The following PCDH15 variants were observed in gnomAD, a reference collection of about 807,000 sequenced individuals.
The protein encoded by PCDH15 is protocadherin-15.
In PCDH15, 129 loss-of-function variants were observed where a neutral mutation model predicts 178.5. The observed-to-expected ratio is 0.72, with a 90% confidence interval of 0.63 to 0.84. PCDH15 has a LOEUF of 0.84. Among genes scored for constraint, PCDH15 ranks in the 40% least tolerant of loss-of-function variants. PCDH15 has a pLI of 0.00. For synonymous variants in PCDH15, 800 were observed against 732.0 expected, an observed-to-expected ratio of 1.09 and a Z score of -1.50; for missense variants, 2,230 against 2,099.9, an observed-to-expected ratio of 1.06 and a Z score of -1.21.
At chr10:54,071,637 T>C (rs1307469709) in intron 17 of PCDH15, among the ~76,000 whole-genome samples, 10 of 152,144 alleles carry the variant, frequency 6.6e-5, no homozygotes, top group African/African-American at 2.2e-4. Flanking sequence ...TGACATTCAA[T>C]ACATGGTTTA....
At chr10:55,381,063 A>C (rs1837522670) in intron 2 of PCDH15, among the ~76,000 whole-genome samples, 1 of 152,192 alleles carries the variant, frequency 6.6e-6, no homozygotes. Flanking sequence ...GAGGCTGAGC[A>C]ATGAGAGGAG....
Position 53,866,802 on chromosome 10 carries a change from G to A in PCDH15, c.3557C>T (p.Pro1186Leu). The change falls in exon 27 of 38, where the codon CCA becomes CTA. Residue 1186 changes from proline to leucine, a missense_variant. Transcript: ENST00000644397. ...YSVMAYRLII[P>L]PIKEGKEGFV... is the part of the protein sequence containing the mutation. ...TCCTTCTTTTCCCTCTTTAATTGGT[G>A]GTATTATGAGTCTGTAGGCCATGAC... 3.1e-6 allele frequency: 5 copies of A among 1,613,080 alleles called. No homozygotes were observed. The highest frequency in any genetic ancestry group is 4.2e-6 in the Non-Finnish European group (5 of 1,179,384).
intron 15 of PCDH15, among the ~76,000 whole-genome samples, chr10:54,121,608 A>G (rs531975442): frequency 1.3e-5 from 2 of 152,294 alleles, no homozygotes; most frequent in African/African-American, 4.8e-5. Flanking sequence ...AGAAATGACA[A>G]AAGTGGTGTA....
chr10:55,321,702 T>C (rs966870875), upstream of PCDH15, among the ~76,000 whole-genome samples: 2 of 152,182 alleles, frequency 1.3e-5, no homozygotes, highest in African/African-American at 2.4e-5. Flanking sequence ...GGCCTATGTT[T>C]AGCATTCTTA....
At chr10:55,587,040 T>G (rs1178975424) in intron 2 of PCDH15, among the ~76,000 whole-genome samples, 1 of 152,154 alleles carries the variant, frequency 6.6e-6, no homozygotes, top group Non-Finnish European at 1.5e-5. Flanking sequence ...TGCTAGTGTT[T>G]CACTTAAAAT....
intron 3 of PCDH15, among the ~76,000 whole-genome samples, chr10:54,457,500 G>A (rs1044948478): frequency 1.4e-4 from 21 of 152,040 alleles, no homozygotes; most frequent in African/African-American, 4.8e-4. Context: ...CTCACAGTTG[G>A]AATGTTACCA....
chr10:54,438,617 T>C (rs2075594424), intron 3 of PCDH15, among the ~76,000 whole-genome samples: 1 of 152,064 alleles, frequency 6.6e-6, no homozygotes, highest in African/African-American at 2.4e-5. Context: ...CAGAAGCAGG[T>C]AACAACTTGC....
rs60328224 is a variant in PCDH15, at chr10:55,093,935, C to G, written c.-80+72641G>C. 6.6e-3 allele frequency among the ~76,000 whole-genome samples: 1,006 copies of G among 152,208 alleles called. 14 individuals carry two copies. Among genetic ancestry groups the G allele is most frequent in the African/African-American group, 0.023 (972 of 41,546 alleles). ...GTGGAGAAATAGGAACACTTTTACA[C>G]TGTTGGTGGGAGTGTAAACTAGTTC... is the stretch of plus-strand genomic sequence containing the variant. On this transcript the variant is annotated intron_variant, in intron 2 of 5. Coordinates refer to the PCDH15 transcript ENST00000458638.
chr10:55,262,104 GAA>G (rs1842160738), intron 1 of PCDH15, among the ~76,000 whole-genome samples: 1 of 119,104 alleles, frequency 8.4e-6, no homozygotes. Flanking sequence ...GGAGAGAAGA[GAA>G]GAGAAATAAA....
In PCDH15 at chr10:54,534,507, G is replaced by C. The variant is rs1480482758; in HGVS notation, c.92-6630C>G. ...CCCAGTATGCCCCTGATATGAGTTGGTGAGATTCCACAGAAAGATCAAGGA... is the reference window on the plus strand; with the variant it reads ...CCCAGTATGCCCCTGATATGAGTTGCTGAGATTCCACAGAAAGATCAAGGA... On this transcript the variant is annotated intron_variant, in intron 2 of 37. Coordinates refer to ENST00000644397, the MANE Select transcript of PCDH15 (RefSeq NM_001384140.1). 3.3e-5 allele frequency among the ~76,000 whole-genome samples: 5 copies of C among 152,152 alleles called. No individual in the cohort carries two copies. The East Asian group carries it at 9.6e-4, about 29-fold the overall frequency.
chr10:55,151,506 T>A (rs1310593915), intron 2 of PCDH15, among the ~76,000 whole-genome samples: 2 of 152,086 alleles, frequency 1.3e-5, no homozygotes, highest in Non-Finnish European at 1.5e-5. Context: ...TATTCATTAG[T>A]TAACTCTTTT....
intron 1 of PCDH15, among the ~76,000 whole-genome samples, chr10:55,179,310 G>T (rs1045735645): frequency 6.6e-6 from 1 of 152,022 alleles, no homozygotes; most frequent in African/African-American, 2.4e-5. Context: ...GGGATTGATA[G>T]TGAAAGGATA....
chr10:54,945,661 T>C (rs1267679696), intron 2 of PCDH15, among the ~76,000 whole-genome samples: 2 of 151,778 alleles, frequency 1.3e-5, no homozygotes, highest in Admixed American at 1.3e-4. Flanking sequence ...CACCCTACTC[T>C]AAACAGTAGC....
At chr10:54,885,992 G>C (rs1346669569) in intron 3 of PCDH15, among the ~76,000 whole-genome samples, 1 of 152,004 alleles carries the variant, frequency 6.6e-6, no homozygotes, top group East Asian at 1.9e-4. Flanking sequence ...ATAACAAATA[G>C]ACATACACAA....
At chr10:54,155,569 A>C (rs1486965842) in intron 13 of PCDH15, among the ~76,000 whole-genome samples, 4 of 152,176 alleles carry the variant, frequency 2.6e-5, no homozygotes, top group African/African-American at 9.7e-5. Context: ...AAGATATTTT[A>C]AGGAAATTAA....
chr10:54,286,817 G>A (rs1053031807), intron 8 of PCDH15, among the ~76,000 whole-genome samples: 18 of 152,084 alleles, frequency 1.2e-4, no homozygotes, highest in Admixed American at 8.5e-4. Flanking sequence ...TAGTAGAGAC[G>A]GGGTTTTGCC....
At chr10:54,729,071 T>C (rs1200751079) in intron 1 of PCDH15, among the ~76,000 whole-genome samples, 1 of 151,388 alleles carries the variant, frequency 6.6e-6, no homozygotes, top group Non-Finnish European at 1.5e-5. Context: ...CAAAAAACTA[T>C]TCAAAATTTA....
At chr10:55,520,176 C>T (rs1459627783) in intron 2 of PCDH15, among the ~76,000 whole-genome samples, 3 of 68,244 alleles carry the variant, frequency 4.4e-5, no homozygotes, top group South Asian at 5.3e-4. Context: ...TATATATACA[C>T]GCAATGTGTA....
intron 17 of PCDH15, among the ~76,000 whole-genome samples, chr10:54,076,936 CAT>C (rs1173319533): frequency 6.6e-6 from 1 of 152,048 alleles, no homozygotes; most frequent in African/African-American, 2.4e-5. Flanking sequence ...TTTTAAACCA[CAT>C]GATTCTTAAG....
Sources: allele counts gnomAD v4.1 joint callset (sites outside exome capture counted in the v4.1 genomes callset), GRCh38; gene constraint gnomAD v4.1.1; transcripts MANE v1.5; gene names NCBI Gene and HGNC (gene_info 2026-07-23, HGNC 2026-07-21).